The following DRC11 variants were observed in gnomAD, a reference collection of about 807,000 sequenced individuals.
The protein encoded by DRC11 is IQ and AAA domain-containing protein 1.
the DRC11 span, among the ~76,000 whole-genome samples, chr2:236,402,587 A>G: frequency 6.6e-6 from 1 of 152,204 alleles, no homozygotes; most frequent in African/African-American, 2.4e-5. The surrounding 1 kb of genome is among the most constrained non-coding windows in gnomAD (Gnocchi z 6.0). Context: ...CAGCCCATAA[A>G]CCATGCAGGG....
chr2:236,374,599 A>C, the DRC11 span, among the ~76,000 whole-genome samples: 1 of 152,216 alleles, frequency 6.6e-6, no homozygotes, highest in African/African-American at 2.4e-5. Context: ...CACAAGGCAA[A>C]GGCGGAGCAA....
chr2:236,317,586 C>T, the DRC11 span, among the ~76,000 whole-genome samples: 16 of 152,304 alleles, frequency 1.1e-4, no homozygotes, highest in Admixed American at 2.6e-4. This position sits in a 1 kb window ranked among gnomAD's most constrained non-coding sequence, Gnocchi z 5.4. Flanking sequence ...AGGAGAAGGG[C>T]TTCTCAGGAG....
the DRC11 span, among the ~76,000 whole-genome samples, chr2:236,434,400 T>C: frequency 6.6e-6 from 1 of 152,230 alleles, no homozygotes; most frequent in East Asian, 1.9e-4. This position sits in a 1 kb window ranked among gnomAD's most constrained non-coding sequence, Gnocchi z 5.5. Flanking sequence ...ACTGTCAACG[T>C]TAGTAACAAC....
the DRC11 span, among the ~76,000 whole-genome samples, chr2:236,357,031 T>TCATATATATCTA: frequency 1.3e-5 from 1 of 77,502 alleles, no homozygotes; most frequent in Non-Finnish European, 3.2e-5. Context: ...ATCTATATAT[T>TCATATATATCTA]TATATATTCA....
At chr2:236,327,335 C>A in the DRC11 span, among the ~76,000 whole-genome samples, 1 of 152,110 alleles carries the variant, frequency 6.6e-6, no homozygotes, top group African/African-American at 2.4e-5. Flanking sequence ...TGGCTCACTG[C>A]GACCTCTATC....
chr2:236,394,501 T>G, the DRC11 span, among the ~76,000 whole-genome samples: 1 of 151,860 alleles, frequency 6.6e-6, no homozygotes, highest in Admixed American at 6.6e-5. The surrounding 1 kb of genome is among the most constrained non-coding windows in gnomAD (Gnocchi z 7.0). Flanking sequence ...TGTGGTGGCG[T>G]GCACCTGAAA....
the DRC11 span, chr2:236,408,231 T>C: frequency 1.2e-6 from 1 of 824,460 alleles, no homozygotes; most frequent in Middle Eastern, 3.5e-4. This position sits in a 1 kb window ranked among gnomAD's most constrained non-coding sequence, Gnocchi z 5.5. Context: ...TCAATCTTCT[T>C]GTGATCTCAG....
chr2:236,498,974 T>C, the DRC11 span, among the ~76,000 whole-genome samples: 7 of 152,208 alleles, frequency 4.6e-5, no homozygotes, highest in Non-Finnish European at 1.0e-4. Flanking sequence ...GCCCTGATCA[T>C]TGATGAAGGA....
chr2:236,472,019 A>G, the DRC11 span, among the ~76,000 whole-genome samples: 21 of 152,334 alleles, frequency 1.4e-4, no homozygotes, highest in Non-Finnish European at 2.2e-4. This position sits in a 1 kb window ranked among gnomAD's most constrained non-coding sequence, Gnocchi z 4.6. Context: ...ACTGCATCCC[A>G]ATACAAAGAA....
chr2:236,504,206 G>T, the DRC11 span, among the ~76,000 whole-genome samples: 4 of 149,868 alleles, frequency 2.7e-5, no homozygotes, highest in South Asian at 2.1e-4. The surrounding 1 kb of genome is among the most constrained non-coding windows in gnomAD (Gnocchi z 5.0). Context: ...CGGTGGGGGG[G>T]GGCGTTCAGT....
chr2:236,317,750 A>G, the DRC11 span, among the ~76,000 whole-genome samples: 1 of 152,234 alleles, frequency 6.6e-6, no homozygotes, highest in African/African-American at 2.4e-5. The surrounding 1 kb of genome is among the most constrained non-coding windows in gnomAD (Gnocchi z 5.4). Context: ...AGGAGTCTGC[A>G]ATGGCGTTTT....
chr2:236,338,484 A>C, the DRC11 span: 1 of 1,060,058 alleles, frequency 9.4e-7, no homozygotes, highest in Admixed American at 2.4e-5. Context: ...TGTTAAAGTG[A>C]TTGCAAAGCT....
chr2:236,491,094 CTGTG>C, the DRC11 span, among the ~76,000 whole-genome samples: 39 of 122,866 alleles, frequency 3.2e-4, no homozygotes, highest in East Asian at 9.2e-4. Flanking sequence ...AATATATACT[CTGTG>C]TGTGTGTGTA....
chr2:236,423,878 A>C, the DRC11 span, among the ~76,000 whole-genome samples: 2 of 152,172 alleles, frequency 1.3e-5, no homozygotes, highest in African/African-American at 4.8e-5. Flanking sequence ...GCCATAAAAA[A>C]CGATGAGTTC....
the DRC11 span, among the ~76,000 whole-genome samples, chr2:236,378,011 G>A: frequency 1.3e-5 from 2 of 152,284 alleles, no homozygotes; most frequent in East Asian, 3.9e-4. Flanking sequence ...GTTGAGAATT[G>A]TAAATACAAC....
the DRC11 span, among the ~76,000 whole-genome samples, chr2:236,452,319 A>G: frequency 6.6e-6 from 1 of 151,962 alleles, no homozygotes; most frequent in Non-Finnish European, 1.5e-5. This position sits in a 1 kb window ranked among gnomAD's most constrained non-coding sequence, Gnocchi z 4.7. Flanking sequence ...GAGGTCCAAC[A>G]CTGAGCTTCA....
the DRC11 span, among the ~76,000 whole-genome samples, chr2:236,342,837 G>A: frequency 6.6e-6 from 1 of 152,224 alleles, no homozygotes; most frequent in Non-Finnish European, 1.5e-5. This position sits in a 1 kb window ranked among gnomAD's most constrained non-coding sequence, Gnocchi z 5.8. Flanking sequence ...CCTTTGGCTT[G>A]CAGTCCCCTA....
chr2:236,497,992 T>C, the DRC11 span, among the ~76,000 whole-genome samples: 3 of 152,078 alleles, frequency 2.0e-5, no homozygotes, highest in Admixed American at 6.5e-5. The surrounding 1 kb of genome is among the most constrained non-coding windows in gnomAD (Gnocchi z 5.1). Context: ...TAAATAATAG[T>C]AAAAACCTGT....
At chr2:236,308,870 T>C in the DRC11 span, among the ~76,000 whole-genome samples, 54 of 152,240 alleles carry the variant, frequency 3.5e-4, 3 homozygotes, top group East Asian at 8.5e-3. The surrounding 1 kb of genome is among the most constrained non-coding windows in gnomAD (Gnocchi z 6.0). Flanking sequence ...ACAATTATTA[T>C]CCAACAGTTA....
Sources: allele counts gnomAD v4.1 joint callset (sites outside exome capture counted in the v4.1 genomes callset), GRCh38; gene constraint gnomAD v4.1.1; non-coding constraint Gnocchi (gnomAD v3.1); transcripts MANE v1.5; gene names NCBI Gene and HGNC (gene_info 2026-07-23, HGNC 2026-07-21).